The following CAT variants were observed in gnomAD, a reference collection of about 807,000 sequenced individuals.
The protein encoded by CAT is catalase.
A neutral mutation model predicts 59.0 loss-of-function variants in CAT; 43 were observed. The observed-to-expected ratio is 0.73, with a 90% CI of 0.57 to 0.94. The LOEUF is 0.94. Ranked by LOEUF, CAT falls within the 40% of genes least tolerant of loss-of-function variation. The probability of loss-of-function intolerance (pLI) is 0.00; values close to 1 mark genes in which losing one functional copy is unlikely to be tolerated. For missense variants in CAT, 664 were observed against 682.9 expected, an observed-to-expected ratio of 0.97 and a Z score of 0.31; for synonymous variants, 218 against 230.9, an observed-to-expected ratio of 0.94 and a Z score of 0.51.
intron 2 of CAT, among the ~76,000 whole-genome samples, chr11:34,450,662 C>T (rs1001531191): frequency 6.6e-6 from 1 of 152,184 alleles, no homozygotes; most frequent in Non-Finnish European, 1.5e-5. Context: ...CTCTGTTCTT[C>T]ACTTTCTCTC....
chr11:34,442,270 A>G (rs893039723), intron 1 of CAT, among the ~76,000 whole-genome samples: 3 of 152,222 alleles, frequency 2.0e-5, no homozygotes, highest in African/African-American at 7.2e-5. Context: ...GCTAAGTGTT[A>G]TAATAATAAA....
intron 9 of CAT, among the ~76,000 whole-genome samples, chr11:34,463,050 A>G (rs1359780379): frequency 6.6e-6 from 1 of 152,180 alleles, no homozygotes; most frequent in Admixed American, 6.5e-5. Context: ...TGTCATACAT[A>G]GGCACCTCTT....
At chr11:34,466,292 T>C (rs1343556671) in intron 10 of CAT, among the ~76,000 whole-genome samples, 1 of 152,252 alleles carries the variant, frequency 6.6e-6, no homozygotes, top group African/African-American at 2.4e-5. Context: ...CAAATGATTC[T>C]AGACCTTTTT....
chr11:34,439,301 G>C (rs1856357443), intron 1 of CAT, among the ~76,000 whole-genome samples: 1 of 152,200 alleles, frequency 6.6e-6, no homozygotes, highest in Admixed American at 6.5e-5. Context: ...TGTTGTCCGC[G>C]ACAGGCTCGG....
intron 6 of CAT, 82 bp downstream of exon 6, chr11:34,454,008 A>G (rs1856561398): frequency 3.4e-6 from 5 of 1,463,908 alleles, no homozygotes; most frequent in Non-Finnish European, 4.8e-6. Context: ...AGCAAAGATT[A>G]AGGCTTCTCC....
intron 1 of CAT, among the ~76,000 whole-genome samples, chr11:34,441,220 CT>C (rs1472304262): frequency 2.0e-5 from 3 of 152,162 alleles, no homozygotes; most frequent in Non-Finnish European, 2.9e-5. Context: ...TTTTCAAACA[CT>C]TTTTTTAAAT....
At chr11:34,467,088 T>C (rs999101369) in intron 10 of CAT, among the ~76,000 whole-genome samples, 3 of 152,004 alleles carry the variant, frequency 2.0e-5, no homozygotes, top group African/African-American at 7.2e-5. Context: ...ATCATAGACA[T>C]GATAATTGGA....
chr11:34,442,424 A>T lies in CAT; in HGVS notation c.66+3345A>T, dbSNP rs563121620. ...CAAAACTAGCCTGACCAATATGGAG[A>T]AACCCTGTCTCTACTAAAAATACAA... is the stretch of plus-strand genomic sequence containing the variant. On this transcript the variant is annotated intron_variant, in intron 1 of 12. Transcript: ENST00000241052. Among the ~76,000 whole-genome samples, 24 of 152,236 alleles carry T rather than the reference A, an allele frequency of 1.6e-4. No homozygotes were observed. The South Asian group carries it at 5.0e-3, about 32-fold the overall frequency.
At chr11:34,460,313 T>C (rs948479522) in intron 8 of CAT, among the ~76,000 whole-genome samples, 2 of 152,206 alleles carry the variant, frequency 1.3e-5, no homozygotes, top group Non-Finnish European at 2.9e-5. Context: ...TAATCTTAGA[T>C]TGATTACCTT....
intron 1 of CAT, 112 bp downstream of exon 1, chr11:34,439,191 C>T: frequency 2.0e-6 from 2 of 1,004,704 alleles, no homozygotes; most frequent in South Asian, 2.8e-5. Flanking sequence ...TGTACCGCGG[C>T]TCACTGGGCA....
At chr11:34,466,559 C>T (rs948848787) in intron 10 of CAT, among the ~76,000 whole-genome samples, 3 of 151,820 alleles carry the variant, frequency 2.0e-5, no homozygotes, top group South Asian at 2.1e-4. Context: ...GGGCGGATCA[C>T]GAGGTCAGGA....
chr11:34,468,252 A>T lies in CAT; in HGVS notation c.1327-36A>T, dbSNP rs146347339. On this transcript the variant is annotated intron_variant, in intron 10 of 12. Transcript: ENST00000241052. ...GAATTTTGTTGGTGATAAACTGGTG[A>T]TTCAATTCTCTGCACTTGCTCTTTT... is the stretch of plus-strand genomic sequence containing the variant. 3 of 1,451,856 alleles carry T rather than the reference A, an allele frequency of 2.1e-6. No homozygotes were observed. The African/African-American group carries it at 4.2e-5, about 20-fold the overall frequency. The allele number at this position is 1,451,856 out of a possible 1,614,324, so 89.9% of individuals were successfully genotyped here. A position where few individuals can be genotyped will look rare whatever the true frequency, so the allele number is the denominator to read the frequency against.
At position 34,471,680 on chromosome 11, in the gene CAT, T is replaced by G; in HGVS notation, c.*247T>G. On this transcript the variant is annotated 3_prime_UTR_variant, in exon 13 of 13. Transcript: ENST00000241052. ...TTGACGGATGATTGGATTATTCATT[T>G]AAAATGATTAGAAGGCAAGTTTCTA... 1.9e-6 allele frequency: 1 copy of G among 518,674 alleles called. No homozygotes were observed. Among genetic ancestry groups the G allele is most frequent in the South Asian group, 2.2e-5 (1 of 45,946 alleles). 32.1% of individuals were successfully genotyped at this position (518,674 alleles called of 1,614,324 possible).
At chr11:34,464,256 G>A in intron 10 of CAT, 21 bp downstream of exon 10, 1 of 1,611,512 alleles carries the variant, frequency 6.2e-7, no homozygotes, top group Non-Finnish European at 8.5e-7. Flanking sequence ...CTCTTTATCT[G>A]CTATGGAAGT....
chr11:34,450,487 T>C (rs1856511745), intron 2 of CAT, among the ~76,000 whole-genome samples: 1 of 152,226 alleles, frequency 6.6e-6, no homozygotes, highest in African/African-American at 2.4e-5. Flanking sequence ...CAGTTAGGAC[T>C]TCTGCATTTC....
rs1856646559 is a variant in CAT, at chr11:34,461,253, C to T, written c.1059C>T (p.Gly353=). 1 of 1,614,132 alleles carries T rather than the reference C, an allele frequency of 6.2e-7. No homozygotes were observed. The highest frequency in any genetic ancestry group is 8.5e-7 in the Non-Finnish European group (1 of 1,179,970). Residue 353 remains glycine (G), a splice_region_variant and synonymous_variant, in exon 9 of 13, where the codon GGC becomes GGT. Transcript: ENST00000241052. Reference sequence around the variant, plus strand: ...GTCTATTGTATTTATTACTGCAGGGCCGCCTTTTTGCCTATCCTGACACTC... The same window carrying T: ...GTCTATTGTATTTATTACTGCAGGGTCGCCTTTTTGCCTATCCTGACACTC... ...IEASPDKMLQ[G]RLFAYPDTHR...
chr11:34,452,095 C>A lies in CAT; in HGVS notation c.368C>A (p.Ala123Asp). The part of the protein sequence containing the change: ...FSTVAGESGS[A>D]DTVRDPRGFA... ...ATTGTAGCTGGAGAATCGGGTTCAG[C>A]TGACACAGTTCGGGACCCTCGTGGG... The change falls in exon 4 of 13, where the codon GCT becomes GAT. Residue 123 changes from alanine (A) to aspartate (D), a missense_variant. Physicochemically the swap from Ala to Asp is moderately radical, Grantham distance 126 (BLOSUM62 -2). Coordinates refer to ENST00000241052, the MANE Select transcript of CAT (RefSeq NM_001752.4). The A allele has an allele frequency of 6.2e-7, 1 of 1,613,892 alleles. No individual in the cohort carries two copies. The highest frequency in any genetic ancestry group is 8.5e-7 in the Non-Finnish European group (1 of 1,179,810).
At chr11:34,442,345 A>G (rs1412585107) in intron 1 of CAT, among the ~76,000 whole-genome samples, 1 of 152,176 alleles carries the variant, frequency 6.6e-6, no homozygotes, top group Non-Finnish European at 1.5e-5. Flanking sequence ...ACTCACACCT[A>G]TAATCCAGCA....
chr11:34,448,060 C>A (rs917661498), intron 1 of CAT, among the ~76,000 whole-genome samples: 5 of 152,144 alleles, frequency 3.3e-5, no homozygotes, highest in Admixed American at 3.3e-4. Flanking sequence ...CTCCTTTATT[C>A]AATATCTTTT....
Sources: allele counts gnomAD v4.1 joint callset (sites outside exome capture counted in the v4.1 genomes callset), GRCh38; gene constraint gnomAD v4.1.1; transcripts MANE v1.5; gene names NCBI Gene and HGNC (gene_info 2026-07-23, HGNC 2026-07-21).